Variants in MOB3B observed in about 807,000 individuals in gnomAD.
MOB3B encodes the protein MOB kinase activator-like 2B.
Under a neutral mutation model 18.7 loss-of-function variants are expected in MOB3B, and 7 were observed. That is an observed-to-expected ratio of 0.37 (90% CI 0.21 to 0.70). The LOEUF is 0.70. Among genes scored for constraint, MOB3B ranks in the 30% least tolerant of loss-of-function variants. The pLI is 0.52. For missense variants in MOB3B, 253 were observed against 281.3 expected (o/e 0.90, Z 0.72); for synonymous variants, 111 against 99.9 (o/e 1.11, Z -0.66).
chr9:27,394,084 CTG>C (rs1821766631), intron 2 of MOB3B: 1 of 152,140 alleles, frequency 6.6e-6, no homozygotes, highest in South Asian at 2.1e-4. Flanking sequence ...AATCACATCT[CTG>C]TTTTACTGGT....
At chr9:27,477,866 G>A (rs1819579429) in intron 1 of MOB3B, among the ~76,000 whole-genome samples, 1 of 152,222 alleles carries the variant, frequency 6.6e-6, no homozygotes, top group Non-Finnish European at 1.5e-5. Context: ...TTGAGAACAG[G>A]TGACATGGCC....
chr9:27,376,531 G>A (rs1204471060), intron 2 of MOB3B, among the ~76,000 whole-genome samples: 1 of 152,216 alleles, frequency 6.6e-6, no homozygotes, highest in African/African-American at 2.4e-5. Context: ...GGAATTAGTA[G>A]TCTTCCTTTG....
chr9:27,466,888 C>A, intron 1 of MOB3B, among the ~76,000 whole-genome samples: 1 of 152,112 alleles, frequency 6.6e-6, no homozygotes, highest in East Asian at 1.9e-4. Context: ...GGGACACAGC[C>A]AAACCATATC....
At chr9:27,528,322 T>C (rs1266642698) in intron 1 of MOB3B, among the ~76,000 whole-genome samples, 1 of 152,224 alleles carries the variant, frequency 6.6e-6, no homozygotes, top group Non-Finnish European at 1.5e-5. Flanking sequence ...CCAACGCCTT[T>C]GGCTAGAGAT....
intron 1 of MOB3B, among the ~76,000 whole-genome samples, chr9:27,494,192 A>G (rs1412569119): frequency 6.6e-6 from 1 of 152,214 alleles, no homozygotes; most frequent in Admixed American, 6.5e-5. Context: ...GTCTCCTGAT[A>G]AGATGTTATC....
intron 2 of MOB3B, among the ~76,000 whole-genome samples, chr9:27,369,116 TA>T (rs1821379870): frequency 6.6e-6 from 1 of 152,214 alleles, no homozygotes; most frequent in Admixed American, 6.5e-5. Context: ...AACAGGATGT[TA>T]ATGAACTTCA....
intron 2 of MOB3B, among the ~76,000 whole-genome samples, chr9:27,361,861 C>T (rs372563187): frequency 4.3e-4 from 65 of 152,286 alleles, no homozygotes; most frequent in Non-Finnish European, 8.4e-4. Context: ...CAAACTCCCT[C>T]AAGTGTGCTC....
At chr9:27,361,922 G>A (rs984784250) in intron 2 of MOB3B, among the ~76,000 whole-genome samples, 6 of 152,224 alleles carry the variant, frequency 3.9e-5, no homozygotes, top group Admixed American at 2.6e-4. Context: ...CAGATGCTGG[G>A]GGACACAGGG....
chr9:27,409,769 T>C (rs1214655751), intron 2 of MOB3B, among the ~76,000 whole-genome samples: 1 of 152,198 alleles, frequency 6.6e-6, no homozygotes, highest in African/African-American at 2.4e-5. Context: ...AAGGAAATTA[T>C]ATACTTATGA....
chr9:27,406,487 A>G (rs569568287), intron 2 of MOB3B, among the ~76,000 whole-genome samples: 1 of 152,228 alleles, frequency 6.6e-6, no homozygotes, highest in Non-Finnish European at 1.5e-5. Context: ...ACTTCAAATT[A>G]TGCTACAAAG....
At chr9:27,382,056 G>A (rs1821586832) in intron 2 of MOB3B, among the ~76,000 whole-genome samples, 1 of 152,136 alleles carries the variant, frequency 6.6e-6, no homozygotes, top group South Asian at 2.1e-4. Flanking sequence ...CATCCCCTCA[G>A]TCTGCTCTGT....
intron 1 of MOB3B, among the ~76,000 whole-genome samples, chr9:27,486,151 G>A (rs1819726303): frequency 6.6e-6 from 1 of 152,218 alleles, no homozygotes; most frequent in Admixed American, 6.5e-5. Context: ...GCAAGAGCTA[G>A]TTTCGATGGT....
At chr9:27,455,840 G>C in intron 1 of MOB3B, 92 bp from the exon 2 acceptor site, 1 of 1,275,178 alleles carries the variant, frequency 7.8e-7, no homozygotes, top group Non-Finnish European at 1.0e-6. Context: ...TGTGTTCTTG[G>C]CTGTGCCCAC....
intron 2 of MOB3B, among the ~76,000 whole-genome samples, chr9:27,430,565 T>C (rs1026146185): frequency 6.6e-6 from 1 of 152,090 alleles, no homozygotes; most frequent in Admixed American, 6.6e-5. Flanking sequence ...GTTTGAAAAA[T>C]ATAAAAAGGT....
At chr9:27,451,553 A>C (rs1822783697) in intron 2 of MOB3B, among the ~76,000 whole-genome samples, 1 of 152,194 alleles carries the variant, frequency 6.6e-6, no homozygotes, top group African/African-American at 2.4e-5. Context: ...AGCTGTTTAT[A>C]TCCTTTAATA....
chr9:27,370,901 G>A (rs1447830210), intron 2 of MOB3B, among the ~76,000 whole-genome samples: 2 of 152,114 alleles, frequency 1.3e-5, no homozygotes, highest in Non-Finnish European at 2.9e-5. Flanking sequence ...GATCTCCATG[G>A]AATTGCTATA....
chr9:27,354,158 G>C (rs1821150313), intron 3 of MOB3B, among the ~76,000 whole-genome samples: 3 of 152,258 alleles, frequency 2.0e-5, no homozygotes, highest in African/African-American at 7.2e-5. Context: ...GCAAGCTCTG[G>C]GGGTGGATGG....
chr9:27,475,603 A>C (rs1819541977), intron 1 of MOB3B, among the ~76,000 whole-genome samples: 1 of 152,244 alleles, frequency 6.6e-6, no homozygotes, highest in African/African-American at 2.4e-5. Context: ...TATGAAAAGA[A>C]GTTCATGAAA....
intron 2 of MOB3B, among the ~76,000 whole-genome samples, chr9:27,435,823 A>T (rs1389465367): frequency 6.6e-6 from 1 of 151,564 alleles, no homozygotes; most frequent in African/African-American, 2.4e-5. Flanking sequence ...CTGGTCTTGA[A>T]CTCCTGACCT....
Sources: gnomAD v4.1 joint callset for allele counts (sites outside exome capture counted in the v4.1 genomes callset) on GRCh38, gnomAD v4.1.1 for gene constraint, MANE v1.5 for transcripts, NCBI Gene and HGNC (gene_info 2026-07-23, HGNC 2026-07-21) for gene names.